NQO2: variants seen among roughly 807,000 people sequenced by gnomAD.
NQO2 encodes the protein ribosyldihydronicotinamide dehydrogenase [quinone].
Under a neutral mutation model 22.0 loss-of-function variants are expected in NQO2, and 18 were observed. The observed-to-expected ratio is 0.82, with a 90% CI of 0.56 to 1.21. The LOEUF (loss-of-function observed/expected upper bound fraction) is 1.21. Ranked by LOEUF, NQO2 falls within the 50% of genes most tolerant of loss-of-function variation. NQO2 has a pLI of 0.00. For missense variants in NQO2, 267 were observed against 286.9 expected (o/e 0.93, Z 0.50); for synonymous variants, 106 against 110.8 (o/e 0.96, Z 0.28).
rs142119774 is a variant in NQO2, at chr6:3,007,055, G to T, written c.7+496G>T. On this transcript the variant is annotated intron_variant, in intron 2 of 6. Coordinates refer to ENST00000380455, the MANE Select transcript of NQO2 (RefSeq NM_000904.6). ...AACGATATAACATGGAGAGCCTTTC[G>T]TGTTAGAACGCACAGGTTCACCTTA... 4.4e-4 allele frequency: 172 copies of T among 393,368 alleles called. 1 individual carries two copies. The highest frequency in any genetic ancestry group is 3.2e-3 in the African/African-American group (156 of 48,616). The allele number at this position is 393,368 out of a possible 1,614,324, so 24.4% of individuals were successfully genotyped here.
intron 1 of NQO2, among the ~76,000 whole-genome samples, chr6:3,000,728 A>C (rs1369434597): frequency 6.6e-6 from 1 of 152,076 alleles, no homozygotes; most frequent in Non-Finnish European, 1.5e-5. Context: ...TGTTTAGTAG[A>C]GACGGGTTTC....
chr6:3,015,507 C>G (rs775089155), intron 4 of NQO2, 23 bp from the exon 5 acceptor site: 2 of 1,608,974 alleles, frequency 1.2e-6, no homozygotes, highest in African/African-American at 2.7e-5. Flanking sequence ...GCCTCAGTTT[C>G]TCTTTGGTGT....
At chr6:3,008,430 AAAAG>A (rs1447284601) in intron 2 of NQO2, among the ~76,000 whole-genome samples, 1 of 150,358 alleles carries the variant, frequency 6.7e-6, no homozygotes, top group African/African-American at 2.4e-5. Flanking sequence ...AAAAAAAAGA[AAAAG>A]AAAAAAGGAA....
In NQO2 at chr6:3,006,124, C is replaced by T. The variant is rs1337782456; in HGVS notation, c.-85-344C>T. 6.6e-6 allele frequency among the ~76,000 whole-genome samples: 1 copy of T among 152,178 alleles called. No homozygotes were observed. The stretch of plus-strand genomic sequence containing the variant: ...GGTGGTGTGGCGGTTCACTGATCCC[C>T]CAGCCTTCTGCTCGATCTACGGGGA... On this transcript the variant is annotated intron_variant, in intron 1 of 6. Coordinates refer to ENST00000380455, the MANE Select transcript of NQO2 (RefSeq NM_000904.6). The surrounding 1 kb of genome is among the most constrained non-coding windows in gnomAD (Gnocchi z 4.0).
chr6:3,013,034 C>A (rs1338009741), intron 4 of NQO2, among the ~76,000 whole-genome samples: 1 of 137,370 alleles, frequency 7.3e-6, no homozygotes, highest in East Asian at 2.2e-4. Flanking sequence ...CGGCTCACTG[C>A]AAGCTCCGCC....
At chr6:3,000,690 T>C (rs1371933236) in intron 1 of NQO2, among the ~76,000 whole-genome samples, 2 of 151,970 alleles carry the variant, frequency 1.3e-5, no homozygotes, top group African/African-American at 2.4e-5. Flanking sequence ...TATAGGGGCG[T>C]GCCACCACGC....
chr6:3,011,230 G>C (rs1366554201), intron 3 of NQO2, among the ~76,000 whole-genome samples: 1 of 152,138 alleles, frequency 6.6e-6, no homozygotes, highest in Non-Finnish European at 1.5e-5. Context: ...AAGCAGTTCA[G>C]AAATTTATCA....
In NQO2 at chr6:3,006,972, A is replaced by T. The variant is rs1291894724; in HGVS notation, c.7+413A>T. ...GTACGATTCTATCTTTGCTTTTGCA[A>T]CTGCTTATCATGCACATATACATGA... On this transcript the variant is annotated intron_variant, in intron 2 of 6. Transcript: ENST00000380455. The surrounding 1 kb of genome is among the most constrained non-coding windows in gnomAD (Gnocchi z 4.0). 2.5e-6 allele frequency: 1 copy of T among 404,570 alleles called. No homozygotes were observed. Among genetic ancestry groups the T allele is most frequent in the South Asian group, 1.1e-4 (1 of 8,844 alleles). 25.1% of individuals were successfully genotyped at this position (404,570 alleles called of 1,614,324 possible).
In NQO2 at chr6:3,012,665, G is replaced by A. The variant is rs770050267; in HGVS notation, c.294G>A (p.Val98=). ...AAAAGGTTCGGGAGGCTGACCTAGT[G>A]ATATTTCAGGTTTGTTTTTCTCTAA... ...EQKKVREADL[V]IFQFPLYWFS... Residue 98 remains valine (V), a synonymous_variant, in exon 4 of 7, where the codon GTG becomes GTA. Transcript: ENST00000380455. The A allele has an allele frequency of 1.2e-6, 2 of 1,612,590 alleles. No homozygotes were observed. Among genetic ancestry groups the A allele is most frequent in the African/African-American group, 1.3e-5 (1 of 74,920 alleles).
Position 3,004,634 on chromosome 6 carries a change from C to T in NQO2, c.-85-1834C>T, listed in dbSNP as rs142443287. 5 of 985,372 alleles carry T rather than the reference C, an allele frequency of 5.1e-6. No homozygotes were observed. In the African/African-American group the frequency reaches 7.0e-5, roughly 14 times the overall value. The allele number at this position is 985,372 out of a possible 1,614,324, so 61.0% of individuals were successfully genotyped here. ...CTGGAAGATGCTCATTCAGGCCCTGCTCAAGATTCCAGTCCTGGTGGGGAT... is the reference window on the plus strand; with the variant it reads ...CTGGAAGATGCTCATTCAGGCCCTGTTCAAGATTCCAGTCCTGGTGGGGAT... On this transcript the variant is annotated intron_variant, in intron 1 of 6. Coordinates refer to ENST00000380455, the MANE Select transcript of NQO2 (RefSeq NM_000904.6).
chr6:3,014,828 T>A (rs1254566112), intron 4 of NQO2, among the ~76,000 whole-genome samples: 1 of 152,190 alleles, frequency 6.6e-6, no homozygotes, highest in Non-Finnish European at 1.5e-5. Flanking sequence ...TAGCCCTATT[T>A]GATGAATCAG....
chr6:3,013,003 T>C, intron 4 of NQO2, among the ~76,000 whole-genome samples: 1 of 131,034 alleles, frequency 7.6e-6, no homozygotes, highest in African/African-American at 2.9e-5. Flanking sequence ...TCGCCCAGGC[T>C]GGAGTGCAGT....
At chr6:3,016,430 C>CAA (rs36118697) in intron 5 of NQO2, among the ~76,000 whole-genome samples, 1,401 of 85,680 alleles carry the variant, frequency 0.016, 19 homozygotes, top group Non-Finnish European at 0.025. Context: ...GACTCTGTCT[C>CAA]AAAAAAAAAA....
intron 4 of NQO2, among the ~76,000 whole-genome samples, chr6:3,013,174 C>G (rs1271006687): frequency 1.3e-5 from 2 of 151,836 alleles, no homozygotes; most frequent in African/African-American, 2.4e-5. Context: ...CCAGGATGGT[C>G]TCGATCTCCT....
At chr6:3,010,952 G>GA (rs35198315) in intron 3 of NQO2, among the ~76,000 whole-genome samples, 91,675 of 148,858 alleles carry the variant, frequency 0.62, 28,168 homozygotes, top group Non-Finnish European at 0.65. Flanking sequence ...CTTAGTAGAG[G>GA]AAAAAAAAAA....
At chr6:3,008,477 C>T (rs1230830155) in intron 2 of NQO2, among the ~76,000 whole-genome samples, 12 of 151,544 alleles carry the variant, frequency 7.9e-5, no homozygotes, top group African/African-American at 1.7e-4. Context: ...TGGCCAAGTG[C>T]GGTGGCTCAT....
At position 3,016,932 on chromosome 6, in the gene NQO2, T is replaced by C. The variant is rs748758103; in HGVS notation, c.466T>C (p.Tyr156His). ...SVTTGGTAEM[Y>H]TKTGVNGDSR... The stretch of plus-strand genomic sequence containing the variant: ...AACCACGGGAGGCACGGCCGAGATG[T>C]ACACGAAGACAGGAGTCAATGGAGA... The change falls in exon 6 of 7, where the codon TAC becomes CAC. Residue 156 changes from tyrosine (Y) to histidine (H), a missense_variant. Transcript: ENST00000380455. 2 of 1,614,072 alleles carry C rather than the reference T, an allele frequency of 1.2e-6. No individual in the cohort carries two copies. The highest frequency in any genetic ancestry group is 1.3e-5 in the African/African-American group (1 of 75,046).
At chr6:3,011,799 A>C (rs760008903) in intron 3 of NQO2, among the ~76,000 whole-genome samples, 53 of 152,228 alleles carry the variant, frequency 3.5e-4, no homozygotes, top group Non-Finnish European at 6.2e-4. Context: ...TGAAAGAACA[A>C]AACTGTCAAC....
intron 1 of NQO2, among the ~76,000 whole-genome samples, chr6:3,000,543 CTTT>C (rs559414956): frequency 1.4e-5 from 2 of 146,626 alleles, no homozygotes; most frequent in Admixed American, 1.3e-4. Flanking sequence ...AAAAAATCAG[CTTT>C]TTTTTTTTTC....
Sources: gnomAD v4.1 joint callset for allele counts (sites outside exome capture counted in the v4.1 genomes callset) on GRCh38, gnomAD v4.1.1 for gene constraint, Gnocchi (gnomAD v3.1) non-coding constraint, MANE v1.5 for transcripts, NCBI Gene and HGNC (gene_info 2026-07-23, HGNC 2026-07-21) for gene names.